Variants in CTNNA3 observed in about 807,000 individuals in gnomAD.
CTNNA3 encodes catenin alpha 3.
Under a neutral mutation model 95.7 loss-of-function variants are expected in CTNNA3, and 76 were observed. That is an observed-to-expected ratio of 0.79 (90% CI 0.66 to 0.96). The LOEUF is 0.96. Ranked by LOEUF, CTNNA3 falls within the 40% of genes least tolerant of loss-of-function variation. The probability of loss-of-function intolerance (pLI) is 0.00; values close to 1 mark genes in which losing one functional copy is unlikely to be tolerated. For missense variants in CTNNA3, 1,191 were observed against 1,089.8 expected (o/e 1.09, Z -1.31); for synonymous variants, 431 against 374.4 (o/e 1.15, Z -1.74).
At chr10:66,963,514 T>C (rs945353848) in intron 7 of CTNNA3, among the ~76,000 whole-genome samples, 2 of 152,146 alleles carry the variant, frequency 1.3e-5, no homozygotes, top group Admixed American at 6.5e-5. Flanking sequence ...TACTTAAAAA[T>C]GGTCAAATAT....
At chr10:67,136,669 T>C (rs1860321579) in intron 7 of CTNNA3, among the ~76,000 whole-genome samples, 1 of 152,078 alleles carries the variant, frequency 6.6e-6, no homozygotes, top group African/African-American at 2.4e-5. Flanking sequence ...GGAAAAATAC[T>C]CTAGAAAAGT....
intron 7 of CTNNA3, among the ~76,000 whole-genome samples, chr10:66,781,293 T>G (rs1840527372): frequency 1.3e-5 from 2 of 152,118 alleles, no homozygotes; most frequent in Non-Finnish European, 2.9e-5. Flanking sequence ...AATGATGCAT[T>G]TTCCTTTTAA....
At position 67,729,647 on chromosome 10, in the gene CTNNA3, T is replaced by C. The variant is rs1297970448; in HGVS notation, c.-2+33787A>G. Among the ~76,000 whole-genome samples the C allele has an allele frequency of 8.5e-5, 13 of 152,258 alleles. No homozygotes were observed. The East Asian group carries it at 2.5e-3, about 29-fold the overall frequency. On this transcript the variant is annotated intron_variant, in intron 1 of 17. Coordinates refer to the CTNNA3 transcript ENST00000684154. ...CATGGTCAGAATATAATAAATTGGT[T>C]ATTTCCAGAGTTACTAATATATAAA...
intron 7 of CTNNA3, among the ~76,000 whole-genome samples, chr10:66,822,028 T>G (rs1842319725): frequency 6.6e-6 from 1 of 150,984 alleles, no homozygotes; most frequent in African/African-American, 2.4e-5. Flanking sequence ...AACATCATTA[T>G]TAATATATTA....
At chr10:66,366,786 G>A (rs546196815) in intron 12 of CTNNA3, among the ~76,000 whole-genome samples, 2 of 152,206 alleles carry the variant, frequency 1.3e-5, no homozygotes, top group Admixed American at 1.3e-4. Context: ...TAAAAACAGA[G>A]CAGTTAGCAA....
chr10:67,330,389 G>A (rs1841729628), intron 5 of CTNNA3, among the ~76,000 whole-genome samples: 1 of 152,146 alleles, frequency 6.6e-6, no homozygotes, highest in Non-Finnish European at 1.5e-5. Context: ...GTCCTCATCT[G>A]TGAAATGGAG....
At chr10:66,072,615 T>C (rs2080464095) in intron 14 of CTNNA3, among the ~76,000 whole-genome samples, 1 of 152,028 alleles carries the variant, frequency 6.6e-6, no homozygotes, top group African/African-American at 2.4e-5. Context: ...CAGCTAATTT[T>C]TGTATATTTA....
intron 7 of CTNNA3, among the ~76,000 whole-genome samples, chr10:67,081,231 G>C (rs1369365527): frequency 6.6e-6 from 1 of 152,118 alleles, no homozygotes; most frequent in Admixed American, 6.5e-5. Flanking sequence ...TGTTGGCAGG[G>C]CATTTAAAAT....
At chr10:66,494,312 T>C (rs1002017211) in intron 11 of CTNNA3, among the ~76,000 whole-genome samples, 26 of 152,194 alleles carry the variant, frequency 1.7e-4, no homozygotes, top group African/African-American at 6.3e-4. Context: ...AAAGAAAACT[T>C]GGTCCGATTA....
intron 3 of CTNNA3, among the ~76,000 whole-genome samples, chr10:67,579,989 TC>T (rs1388558861): frequency 2.0e-5 from 3 of 152,236 alleles, no homozygotes; most frequent in African/African-American, 7.2e-5. Flanking sequence ...AAAAATTTTC[TC>T]CCATTCTGTA....
chr10:66,643,023 A>G (rs557729998), intron 9 of CTNNA3, among the ~76,000 whole-genome samples: 1 of 152,300 alleles, frequency 6.6e-6, no homozygotes, highest in Admixed American at 6.5e-5. Flanking sequence ...ATACACATAT[A>G]TAGATAGATG....
At chr10:66,521,141 C>G (rs1161917762) in intron 10 of CTNNA3, among the ~76,000 whole-genome samples, 1 of 151,114 alleles carries the variant, frequency 6.6e-6, no homozygotes, top group Non-Finnish European at 1.5e-5. Flanking sequence ...TCCATATATA[C>G]AGTTTATATT....
At chr10:67,312,484 G>C (rs1840853601) in intron 5 of CTNNA3, among the ~76,000 whole-genome samples, 1 of 152,142 alleles carries the variant, frequency 6.6e-6, no homozygotes. Context: ...TCACCATATT[G>C]AGAAAATTCT....
intron 12 of CTNNA3, among the ~76,000 whole-genome samples, chr10:66,373,606 A>AAAG: frequency 6.6e-6 from 1 of 151,976 alleles, no homozygotes; most frequent in East Asian, 1.9e-4. Flanking sequence ...TGTGTTAAAA[A>AAAG]AAAAAAAGAG....
At chr10:66,556,517 A>G (rs764030456) in intron 10 of CTNNA3, among the ~76,000 whole-genome samples, 1 of 152,058 alleles carries the variant, frequency 6.6e-6, no homozygotes, top group Non-Finnish European at 1.5e-5. Flanking sequence ...TATATCATAT[A>G]TATATACACA....
intron 11 of CTNNA3, among the ~76,000 whole-genome samples, chr10:66,470,039 A>C (rs576665993): frequency 6.6e-6 from 1 of 152,026 alleles, no homozygotes; most frequent in Non-Finnish European, 1.5e-5. Context: ...GATCCACTTT[A>C]AGTAGTAAAA....
At chr10:66,287,969 AG>A (rs78209373) in intron 12 of CTNNA3, among the ~76,000 whole-genome samples, 7,853 of 152,154 alleles carry the variant, frequency 0.052, 390 homozygotes, top group African/African-American at 0.12. Flanking sequence ...TTTGAGAGCC[AG>A]GGTTCTCACT....
At chr10:66,257,201 G>A (rs946898214) in intron 13 of CTNNA3, among the ~76,000 whole-genome samples, 1 of 152,166 alleles carries the variant, frequency 6.6e-6, no homozygotes, top group Non-Finnish European at 1.5e-5. Context: ...CCATCTCTAT[G>A]GATAAGTCTA....
chr10:65,971,379 G>GTTTTT lies in CTNNA3; in HGVS notation c.2266-4638_2266-4634dup, dbSNP rs57963750. 4.7e-3 allele frequency among the ~76,000 whole-genome samples: 654 copies of GTTTTT among 140,064 alleles called. 5 individuals are homozygous for GTTTTT. The highest frequency in any genetic ancestry group is 0.016 in the African/African-American group (615 of 38,058). 91.9% of individuals were successfully genotyped at this position (140,064 alleles called of 152,430 possible). A position where few individuals can be genotyped will look rare whatever the true frequency, so the allele number is the denominator to read the frequency against. On this transcript the variant is annotated intron_variant, in intron 16 of 17. Transcript: ENST00000433211. ...AAGAATCAATGAAGACCAAAGTTGT[G>GTTTTT]TTTTTTTTTTTTTTGAAAAAATAAA...
Sources: allele counts gnomAD v4.1 joint callset (sites outside exome capture counted in the v4.1 genomes callset), GRCh38; gene constraint gnomAD v4.1.1; transcripts MANE v1.5; gene names NCBI Gene and HGNC (gene_info 2026-07-23, HGNC 2026-07-21).